Variants in PREX1 observed in about 807,000 individuals in gnomAD.
PREX1 encodes the protein phosphatidylinositol-3,4,5-trisphosphate dependent Rac exchange factor 1, also known as phosphatidylinositol 3,4,5-trisphosphate-dependent Rac exchanger 1 protein.
PREX1 carries 41 observed loss-of-function variants against 198.3 expected under a neutral mutation model. The observed-to-expected ratio is 0.21, with a 90% confidence interval of 0.16 to 0.27. PREX1 has a LOEUF of 0.27. PREX1 is among the 10% of genes least tolerant of loss of function. PREX1 has a pLI of 1.00. For synonymous variants in PREX1, 843 were observed against 887.2 expected (o/e 0.95, Z 0.89); for missense variants, 1,620 against 2,200.7 (o/e 0.74, Z 5.28).
chr20:48,694,596 C>G (rs1223263562), intron 7 of PREX1, among the ~76,000 whole-genome samples: 2 of 152,300 alleles, frequency 1.3e-5, no homozygotes, highest in Non-Finnish European at 2.9e-5. Flanking sequence ...TGGTGGTGTG[C>G]ACAGGCCTCT....
chr20:48,693,121 G>A (rs1385707928), intron 7 of PREX1, among the ~76,000 whole-genome samples: 1 of 152,162 alleles, frequency 6.6e-6, no homozygotes, highest in Non-Finnish European at 1.5e-5. Flanking sequence ...GACCTGTTAA[G>A]TTTCTCAAAG....
At chr20:48,804,623 TTTACGCA>T in intron 1 of PREX1, among the ~76,000 whole-genome samples, 1 of 152,054 alleles carries the variant, frequency 6.6e-6, no homozygotes, top group Non-Finnish European at 1.5e-5. Flanking sequence ...TGTGACCTGA[TTTACGCA>T]GGGTACATGT....
chr20:48,772,753 G>A (rs777045273), intron 1 of PREX1, among the ~76,000 whole-genome samples: 11 of 152,208 alleles, frequency 7.2e-5, no homozygotes, highest in Admixed American at 4.6e-4. Flanking sequence ...CAGGATGGCC[G>A]CATGGCTGAG....
chr20:48,649,440 C>A lies in PREX1; in HGVS notation c.3165G>T (p.Gly1055=), dbSNP rs1163915438. ...GGCCCCGGTCTTCCTGACCAAGGGTCCCACTGGCTGGCCCGAAGCTGCCAT... is the reference window on the plus strand; with the variant it reads ...GGCCCCGGTCTTCCTGACCAAGGGTACCACTGGCTGGCCCGAAGCTGCCAT... ...LHDGSFGPAS[G]TLGQEDRGLS... Residue 1055 remains glycine (G), a synonymous_variant, in exon 25 of 40, where the codon GGG becomes GGT. Coordinates refer to ENST00000371941, the MANE Select transcript of PREX1 (RefSeq NM_020820.4). 1 of 1,614,072 alleles carries A rather than the reference C, an allele frequency of 6.2e-7. No individual in the cohort carries two copies. Among genetic ancestry groups the A allele is most frequent in the East Asian group, 2.2e-5 (1 of 44,896 alleles).
At chr20:48,816,778 C>A (rs1200831245) in intron 1 of PREX1, among the ~76,000 whole-genome samples, 1 of 152,198 alleles carries the variant, frequency 6.6e-6, no homozygotes, top group Non-Finnish European at 1.5e-5. Context: ...ACCCTCCTCG[C>A]TCCAAGCATC....
chr20:48,873,134 C>G, the PREX1 span, among the ~76,000 whole-genome samples: 105 of 152,254 alleles, frequency 6.9e-4, no homozygotes, highest in Non-Finnish European at 1.2e-3. Flanking sequence ...CCCTGCGTGT[C>G]ACTCATCCTT....
intron 1 of PREX1, among the ~76,000 whole-genome samples, chr20:48,761,506 G>A (rs1445927848): frequency 1.3e-5 from 2 of 151,946 alleles, no homozygotes; most frequent in Admixed American, 6.6e-5. Context: ...CTGGTAAAAG[G>A]TGCCCAGTTC....
chr20:48,687,334 G>A (rs981411156), intron 10 of PREX1, among the ~76,000 whole-genome samples: 5 of 152,192 alleles, frequency 3.3e-5, no homozygotes, highest in South Asian at 4.1e-4. Context: ...TGCTCCTCCC[G>A]CCATCTTCTT....
At chr20:48,692,129 G>T (rs949095439) in intron 8 of PREX1, among the ~76,000 whole-genome samples, 5 of 152,044 alleles carry the variant, frequency 3.3e-5, no homozygotes, top group African/African-American at 7.2e-5. Context: ...GGCTCAAGCG[G>T]TCTGCCCATC....
chr20:48,843,227 T>A, the PREX1 span, among the ~76,000 whole-genome samples: 1 of 152,162 alleles, frequency 6.6e-6, no homozygotes, highest in Non-Finnish European at 1.5e-5. Context: ...ATATATTGGG[T>A]CATCTAAGCC....
intron 7 of PREX1, among the ~76,000 whole-genome samples, chr20:48,700,410 G>A (rs1324140543): frequency 6.6e-6 from 1 of 151,956 alleles, no homozygotes; most frequent in Non-Finnish European, 1.5e-5. Context: ...AGAACTTAGT[G>A]TTAAAAAACA....
At chr20:48,760,009 G>C (rs2869673) in intron 1 of PREX1, among the ~76,000 whole-genome samples, 51,719 of 151,818 alleles carry the variant, frequency 0.34, 10,276 homozygotes, top group Non-Finnish European at 0.43. Flanking sequence ...CTACTCGAGA[G>C]GCTGAGGTGA....
chr20:48,688,827 C>A lies in PREX1; in HGVS notation c.1187-23G>T, dbSNP rs371586149. On this transcript the variant is annotated intron_variant, in intron 9 of 39. Transcript: ENST00000371941. ...GGCCTACACAGGGGCACGGTCAGCA[C>A]TGGAGAGAGCACCAGGCCCAGGGCA... 582 of 1,613,640 alleles carry A rather than the reference C, an allele frequency of 3.6e-4. 1 individual carries two copies. Among genetic ancestry groups the A allele is most frequent in the Non-Finnish European group, 4.7e-4 (558 of 1,179,892 alleles).
intron 3 of PREX1, among the ~76,000 whole-genome samples, chr20:48,743,108 A>G (rs11698171): frequency 0.088 from 13,392 of 152,194 alleles, 651 homozygotes; most frequent in South Asian, 0.19. Context: ...TCCTCATGAC[A>G]GCCCCCTGCA....
intron 14 of PREX1, among the ~76,000 whole-genome samples, chr20:48,674,832 T>G (rs56117522): frequency 6.6e-6 from 1 of 152,198 alleles, no homozygotes; most frequent in African/African-American, 2.4e-5. Flanking sequence ...CCAAAACTGA[T>G]GCATAGATTT....
intron 14 of PREX1, among the ~76,000 whole-genome samples, chr20:48,674,832 T>C (rs56117522): frequency 0.049 from 7,422 of 152,304 alleles, 239 homozygotes; most frequent in Non-Finnish European, 0.072. Flanking sequence ...CCAAAACTGA[T>C]GCATAGATTT....
At chr20:48,692,606 C>G in intron 8 of PREX1, 66 bp downstream of exon 8, 1 of 1,309,996 alleles carries the variant, frequency 7.6e-7, no homozygotes, top group Non-Finnish European at 1.1e-6. Flanking sequence ...TTAAATGAAA[C>G]AGAGAGAGTG....
chr20:48,733,888 C>G (rs2090045810), intron 4 of PREX1, among the ~76,000 whole-genome samples: 1 of 152,092 alleles, frequency 6.6e-6, no homozygotes. Flanking sequence ...ACAGCTGGGA[C>G]TAGAGGCACA....
At chr20:48,792,817 TAC>T (rs372512250) in intron 1 of PREX1, among the ~76,000 whole-genome samples, 1,176 of 113,520 alleles carry the variant, frequency 0.01, 11 homozygotes, top group African/African-American at 0.029. Flanking sequence ...AAAAAAAAAA[TAC>T]ACACACACAC....
Sources: allele counts gnomAD v4.1 joint callset (sites outside exome capture counted in the v4.1 genomes callset), GRCh38; gene constraint gnomAD v4.1.1; transcripts MANE v1.5; gene names NCBI Gene and HGNC (gene_info 2026-07-23, HGNC 2026-07-21).